EVL: variants seen among roughly 807,000 people sequenced by gnomAD.
EVL encodes the protein ena/VASP-like protein.
In EVL, 21 loss-of-function variants were observed where a neutral mutation model predicts 59.6. The ratio of observed to expected loss-of-function variants is 0.35; its 90% CI spans 0.25 to 0.51. The LOEUF is 0.51. Ranked by LOEUF, EVL falls within the 20% of genes least tolerant of loss-of-function variation. The probability of loss-of-function intolerance (pLI) is 0.97; values close to 1 mark genes in which losing one functional copy is unlikely to be tolerated. For synonymous variants in EVL, 198 were observed against 203.5 expected (o/e 0.97, Z 0.23); for missense variants, 462 against 546.6 (o/e 0.85, Z 1.54).
chr14:100,100,480 G>A (rs940571266), intron 3 of EVL, among the ~76,000 whole-genome samples: 2 of 152,164 alleles, frequency 1.3e-5, no homozygotes, highest in Non-Finnish European at 1.5e-5. Flanking sequence ...TAACACGTGT[G>A]TGCGCAGTTC....
upstream of EVL, among the ~76,000 whole-genome samples, chr14:100,062,134 T>A (rs1194890724): frequency 6.6e-6 from 1 of 151,052 alleles, no homozygotes; most frequent in East Asian, 1.9e-4. Flanking sequence ...TGAGACCACA[T>A]CTCAAAAAAA....
At chr14:100,003,749 A>G (rs562668141) in intron 1 of EVL, among the ~76,000 whole-genome samples, 10 of 152,298 alleles carry the variant, frequency 6.6e-5, no homozygotes, top group African/African-American at 2.2e-4. Context: ...AATTTTTTTT[A>G]ATCTCAGTTT....
rs577883629 is a variant in EVL, at chr14:100,121,325, G to A, written c.359-2214G>A. On this transcript the variant is annotated intron_variant, in intron 3 of 13. Coordinates refer to ENST00000392920, the MANE Select transcript of EVL (RefSeq NM_016337.3). ...CGGGGAAGCTGTGCCGGGGGACGGA[G>A]GAGGCCAGGAGTAAGGGGGCGATGG... Among the ~76,000 whole-genome samples the A allele has an allele frequency of 7.2e-5, 11 of 152,322 alleles. No individual in the cohort carries two copies. In the South Asian group the frequency reaches 2.3e-3, roughly 32 times the overall value.
intron 1 of EVL, among the ~76,000 whole-genome samples, chr14:100,083,280 T>A (rs996895390): frequency 1.3e-5 from 2 of 152,184 alleles, no homozygotes; most frequent in African/African-American, 2.4e-5. Context: ...AGTGCCAGAA[T>A]TCAGCCCATC....
chr14:100,012,908 C>T (rs2061025940), intron 1 of EVL, among the ~76,000 whole-genome samples: 2 of 152,248 alleles, frequency 1.3e-5, no homozygotes, highest in South Asian at 4.1e-4. Context: ...AAGGTCAGTG[C>T]TAGTGGACTC....
intron 3 of EVL, among the ~76,000 whole-genome samples, chr14:100,118,675 T>C (rs1446028502): frequency 6.6e-6 from 1 of 152,184 alleles, no homozygotes; most frequent in Non-Finnish European, 1.5e-5. Context: ...GCCCTGAGTC[T>C]GTCAGCTCCT....
At chr14:99,992,600 T>C (rs1251927063) in intron 1 of EVL, among the ~76,000 whole-genome samples, 1 of 152,240 alleles carries the variant, frequency 6.6e-6, no homozygotes, top group Non-Finnish European at 1.5e-5. Context: ...AGTTAATCTT[T>C]GTGTATGGTG....
rs755144545 is a variant in EVL, at chr14:100,076,023, G to A, written c.12-8664G>A. Among the ~76,000 whole-genome samples the A allele has an allele frequency of 7.2e-5, 11 of 152,334 alleles. 1 individual carries two copies. In the East Asian group the frequency reaches 1.4e-3, roughly 19 times the overall value. On this transcript the variant is annotated intron_variant, in intron 1 of 13. Coordinates refer to ENST00000392920, the MANE Select transcript of EVL (RefSeq NM_016337.3). The stretch of plus-strand genomic sequence containing the variant: ...GTTATTAAATGAATGGGAATGGGTG[G>A]ATAGGTGTGTTTTGAAAGCAATGAC...
chr14:100,037,530 G>A (rs947053098), intron 1 of EVL, among the ~76,000 whole-genome samples: 3 of 152,194 alleles, frequency 2.0e-5, no homozygotes, highest in Non-Finnish European at 4.4e-5. Context: ...TCTAGATGAT[G>A]CACTGTGGAA....
At chr14:100,018,008 A>G (rs2061065352) in intron 1 of EVL, among the ~76,000 whole-genome samples, 1 of 152,384 alleles carries the variant, frequency 6.6e-6, no homozygotes, top group Middle Eastern at 3.4e-3. Context: ...TCTCCCTGAT[A>G]AAAGCTGAGG....
intron 1 of EVL, among the ~76,000 whole-genome samples, chr14:100,035,459 T>C (rs1472522252): frequency 6.6e-6 from 1 of 152,082 alleles, no homozygotes; most frequent in Admixed American, 6.5e-5. Flanking sequence ...TTACTGTTTC[T>C]ATGATAAAGT....
At chr14:99,991,960 C>CTGTGTGTGTGTGTGTGTGTGTGTGTGTG (rs58443751) in intron 1 of EVL, among the ~76,000 whole-genome samples, 1 of 144,234 alleles carries the variant, frequency 6.9e-6, no homozygotes, top group Admixed American at 7.0e-5. Flanking sequence ...AGGGTCAACT[C>CTGTGTGTGTGTGTGTGTGTGTGTGTGTG]TGTGTGTGTG....
At chr14:100,031,191 G>A (rs1356490573) in intron 1 of EVL, among the ~76,000 whole-genome samples, 2 of 152,162 alleles carry the variant, frequency 1.3e-5, no homozygotes, top group Non-Finnish European at 2.9e-5. Context: ...TCTAAAGACA[G>A]GTGCCCAGGC....
chr14:100,117,954 G>A (rs780074290), intron 3 of EVL, among the ~76,000 whole-genome samples: 3 of 152,198 alleles, frequency 2.0e-5, no homozygotes, highest in Admixed American at 6.5e-5. Flanking sequence ...AGTCATCCAC[G>A]TACTTAACAA....
At chr14:100,137,888 G>A (rs754909535) in intron 11 of EVL, 86 bp downstream of exon 11, 12 of 1,342,548 alleles carry the variant, frequency 8.9e-6, no homozygotes, top group Middle Eastern at 1.8e-4. Context: ...CTTGCACGCT[G>A]TCTCACGTCC....
intron 1 of EVL, among the ~76,000 whole-genome samples, chr14:99,987,327 T>C (rs1272911475): frequency 6.6e-6 from 1 of 152,222 alleles, no homozygotes; most frequent in Non-Finnish European, 1.5e-5. Context: ...AACTCTCATA[T>C]ATGGGATTAG....
At chr14:100,054,007 ACT>A in intron 1 of EVL, among the ~76,000 whole-genome samples, 1 of 129,154 alleles carries the variant, frequency 7.7e-6, no homozygotes, top group Non-Finnish European at 1.6e-5. Context: ...CTCTTCCCTC[ACT>A]CTGTATCAAT....
At chr14:100,143,371 C>T (rs981510630) in intron 13 of EVL, among the ~76,000 whole-genome samples, 7 of 152,134 alleles carry the variant, frequency 4.6e-5, no homozygotes, top group Non-Finnish European at 8.8e-5. Flanking sequence ...ACCCTGCGTC[C>T]CCACACAGCA....
At chr14:100,141,535 A>G (rs1448265693) in intron 12 of EVL, among the ~76,000 whole-genome samples, 1 of 152,190 alleles carries the variant, frequency 6.6e-6, no homozygotes, top group African/African-American at 2.4e-5. Flanking sequence ...CGTCTACCTG[A>G]GGGAGGTGGC....
Sources: gnomAD v4.1 joint callset for allele counts (sites outside exome capture counted in the v4.1 genomes callset) on GRCh38, gnomAD v4.1.1 for gene constraint, MANE v1.5 for transcripts, NCBI Gene and HGNC (gene_info 2026-07-23, HGNC 2026-07-21) for gene names.